GLIS1: variants seen among roughly 807,000 people sequenced by gnomAD.
GLIS1 encodes zinc finger protein GLIS1.
GLIS1 carries 24 observed loss-of-function variants against 63.8 expected under a neutral mutation model. That is an observed-to-expected ratio of 0.38 (90% CI 0.27 to 0.53). The LOEUF is 0.53. Ranked by LOEUF, GLIS1 falls within the 20% of genes least tolerant of loss-of-function variation. GLIS1 has a pLI of 0.85. For missense variants in GLIS1, 1,036 were observed against 1,074.1 expected, an observed-to-expected ratio of 0.96 and a Z score of 0.50; for synonymous variants, 450 against 482.5, an observed-to-expected ratio of 0.93 and a Z score of 0.88.
intron 2 of GLIS1, among the ~76,000 whole-genome samples, chr1:53,609,701 A>G (rs1426693119): frequency 6.6e-6 from 1 of 152,256 alleles, no homozygotes; most frequent in Non-Finnish European, 1.5e-5. Context: ...AGTCTAATAT[A>G]GATCAGTACA....
At chr1:53,674,519 A>G (rs1646191129) in intron 2 of GLIS1, among the ~76,000 whole-genome samples, 1 of 152,196 alleles carries the variant, frequency 6.6e-6, no homozygotes, top group Admixed American at 6.5e-5. Flanking sequence ...ACGGGAATAC[A>G]TGTAAATGTG....
chr1:53,579,723 G>A (rs1645066895), intron 4 of GLIS1, among the ~76,000 whole-genome samples: 1 of 152,212 alleles, frequency 6.6e-6, no homozygotes, highest in Admixed American at 6.5e-5. Flanking sequence ...CAGCCGTGGG[G>A]GCAGAGCTGG....
chr1:53,698,274 G>A (rs1365386433), intron 2 of GLIS1, among the ~76,000 whole-genome samples: 1 of 152,148 alleles, frequency 6.6e-6, no homozygotes, highest in Non-Finnish European at 1.5e-5. Context: ...CACTCCAGAG[G>A]ATGACGCAGA....
rs946183052 is a variant in GLIS1 at position 53,523,711 on chromosome 1, C to G, written c.1593+1066G>C. On this transcript the variant is annotated intron_variant, in intron 6 of 10. Transcript: ENST00000628545. ...GCTCTGCCCCCAGCTGCAGTCCTGT[C>G]CCTCCTGCCATGGCCCAGTCCCCTC... is the stretch of plus-strand genomic sequence containing the variant. Among the ~76,000 whole-genome samples the G allele has an allele frequency of 4.1e-4, 62 of 152,204 alleles. 1 individual carries two copies. Among genetic ancestry groups the G allele is most frequent in the African/African-American group, 1.5e-3 (61 of 41,450 alleles).
chr1:53,584,632 G>A (rs79848040), intron 4 of GLIS1, among the ~76,000 whole-genome samples: 1,583 of 152,296 alleles, frequency 0.01, 32 homozygotes, highest in African/African-American at 0.037. Flanking sequence ...GGTGGGGGTG[G>A]ACAATACAGA....
intron 4 of GLIS1, among the ~76,000 whole-genome samples, chr1:53,580,087 T>C (rs1037594782): frequency 2.6e-5 from 4 of 152,120 alleles, no homozygotes; most frequent in African/African-American, 4.8e-5. Context: ...CAGGAGCCCC[T>C]GGGGCAGAGC....
At chr1:53,548,039 C>T (rs1001661071) in intron 4 of GLIS1, among the ~76,000 whole-genome samples, 1 of 152,238 alleles carries the variant, frequency 6.6e-6, no homozygotes, top group African/African-American at 2.4e-5. Context: ...TCCTGCTTCT[C>T]CCTCCCGCCT....
chr1:53,641,367 G>A (rs1044664103), intron 2 of GLIS1, among the ~76,000 whole-genome samples: 10 of 152,318 alleles, frequency 6.6e-5, no homozygotes, highest in Middle Eastern at 3.4e-3. Flanking sequence ...AAGCTCCCCT[G>A]GGAAGGAACA....
At chr1:53,605,079 G>C (rs1225140519) in intron 2 of GLIS1, among the ~76,000 whole-genome samples, 1 of 151,972 alleles carries the variant, frequency 6.6e-6, no homozygotes, top group African/African-American at 2.4e-5. Context: ...GAGAGAGACA[G>C]GATTCAACAT....
intron 4 of GLIS1, among the ~76,000 whole-genome samples, chr1:53,542,390 G>A (rs1373592988): frequency 1.3e-5 from 2 of 152,254 alleles, no homozygotes; most frequent in Non-Finnish European, 2.9e-5. Context: ...TATTTCAAAT[G>A]ATGTTTCCGC....
At chr1:53,673,134 C>T (rs1646173027) in intron 2 of GLIS1, among the ~76,000 whole-genome samples, 1 of 152,158 alleles carries the variant, frequency 6.6e-6, no homozygotes, top group Non-Finnish European at 1.5e-5. Context: ...CCCACAAGCC[C>T]CCCTTCATTT....
chr1:53,735,322 T>C (rs1646902426), intron 2 of GLIS1, among the ~76,000 whole-genome samples: 1 of 152,206 alleles, frequency 6.6e-6, no homozygotes, highest in African/African-American at 2.4e-5. Context: ...GCATGGGCCC[T>C]GCACGAATTA....
chr1:53,523,494 T>C (rs146645401), intron 6 of GLIS1, among the ~76,000 whole-genome samples: 1 of 152,184 alleles, frequency 6.6e-6, no homozygotes, highest in Admixed American at 6.5e-5. Flanking sequence ...TGGAATACAG[T>C]AGGTGCTCTG....
intron 2 of GLIS1, among the ~76,000 whole-genome samples, chr1:53,607,657 G>A (rs1288845452): frequency 6.6e-6 from 1 of 152,240 alleles, no homozygotes; most frequent in Non-Finnish European, 1.5e-5. Flanking sequence ...AGGCACTGCT[G>A]ACCCAGACAC....
intron 2 of GLIS1, among the ~76,000 whole-genome samples, chr1:53,725,672 G>A (rs1197597337): frequency 1.3e-5 from 2 of 152,232 alleles, no homozygotes; most frequent in African/African-American, 4.8e-5. Flanking sequence ...ACCCAACACT[G>A]GGAGCACAGC....
chr1:53,627,452 C>T (rs1489448196), intron 2 of GLIS1, among the ~76,000 whole-genome samples: 1 of 152,060 alleles, frequency 6.6e-6, no homozygotes, highest in Non-Finnish European at 1.5e-5. Context: ...GCTCCAGCTC[C>T]GATTTTTTTC....
At chr1:53,667,845 C>T (rs1419237409) in intron 2 of GLIS1, among the ~76,000 whole-genome samples, 1 of 152,106 alleles carries the variant, frequency 6.6e-6, no homozygotes, top group Non-Finnish European at 1.5e-5. Flanking sequence ...TGTTAAAGGC[C>T]CCATCTCTTA....
intron 4 of GLIS1, among the ~76,000 whole-genome samples, chr1:53,576,836 T>C (rs892757795): frequency 6.6e-6 from 1 of 152,130 alleles, no homozygotes; most frequent in Non-Finnish European, 1.5e-5. Flanking sequence ...TGGTCTGCTG[T>C]GCAGTCAGTT....
chr1:53,549,828 G>A (rs1644740452), intron 4 of GLIS1, among the ~76,000 whole-genome samples: 1 of 152,298 alleles, frequency 6.6e-6, no homozygotes, highest in South Asian at 2.1e-4. Context: ...GGTAGGTATG[G>A]TTGTTATTAA....
Sources: allele counts gnomAD v4.1 joint callset (sites outside exome capture counted in the v4.1 genomes callset), GRCh38; gene constraint gnomAD v4.1.1; transcripts MANE v1.5; gene names NCBI Gene and HGNC (gene_info 2026-07-23, HGNC 2026-07-21).